The following SLC10A7 variants were observed in gnomAD, a reference collection of about 807,000 sequenced individuals.
SLC10A7 encodes the protein solute carrier family 10 member 7.
Under a neutral mutation model 43.2 loss-of-function variants are expected in SLC10A7, and 29 were observed. That is an observed-to-expected ratio of 0.67 (90% confidence interval 0.50 to 0.92). The LOEUF (loss-of-function observed/expected upper bound fraction) is 0.92, where lower values mean the gene tolerates loss of function less well. Ranked by LOEUF, SLC10A7 falls within the 40% of genes least tolerant of loss-of-function variation. The probability of loss-of-function intolerance (pLI) is 0.00; values close to 1 mark genes in which losing one functional copy is unlikely to be tolerated. For missense variants in SLC10A7, 295 were observed against 403.2 expected (o/e 0.73, Z 2.30); for synonymous variants, 152 against 144.8 (o/e 1.05, Z -0.35).
At chr4:146,342,556 A>AT (rs1311727650) in intron 5 of SLC10A7, among the ~76,000 whole-genome samples, 1 of 151,608 alleles carries the variant, frequency 6.6e-6, no homozygotes. Context: ...ATACTAGTGA[A>AT]TTTTTTTACC....
At chr4:146,472,500 A>G (rs945124223) in intron 4 of SLC10A7, among the ~76,000 whole-genome samples, 8 of 139,434 alleles carry the variant, frequency 5.7e-5, no homozygotes, top group Non-Finnish European at 1.1e-4. Flanking sequence ...ATATTACTCC[A>G]CTGTCAGTGC....
chr4:146,426,625 C>T (rs911529839), intron 5 of SLC10A7, among the ~76,000 whole-genome samples: 2 of 152,322 alleles, frequency 1.3e-5, no homozygotes, highest in South Asian at 2.1e-4. Context: ...CCTGCAATCC[C>T]AGCACTTTGG....
At position 146,319,508 on chromosome 4, in the gene SLC10A7, T is replaced by G. The variant is rs530438317; in HGVS notation, c.471+6453A>C. 1.7e-3 allele frequency among the ~76,000 whole-genome samples: 262 copies of G among 152,212 alleles called. 1 individual carries two copies. Among genetic ancestry groups the G allele is most frequent in the African/African-American group, 5.6e-3 (233 of 41,548 alleles). On this transcript the variant is annotated intron_variant, in intron 6 of 11. Coordinates refer to ENST00000335472, the MANE Select transcript of SLC10A7 (RefSeq NM_001029998.6). ...CTTATCACCCATCTCACACACTATATTTCTACTTATCTGTTGGTTCTTTCC... is the reference window on the plus strand; with the variant it reads ...CTTATCACCCATCTCACACACTATAGTTCTACTTATCTGTTGGTTCTTTCC...
intron 5 of SLC10A7, among the ~76,000 whole-genome samples, chr4:146,326,307 G>C (rs1010293862): frequency 1.2e-4 from 19 of 152,322 alleles, no homozygotes; most frequent in African/African-American, 4.3e-4. Context: ...TGGCTGGCAA[G>C]CTTCCTCACT....
intron 4 of SLC10A7, among the ~76,000 whole-genome samples, chr4:146,478,885 C>T (rs1019667670): frequency 2.0e-5 from 3 of 152,058 alleles, no homozygotes; most frequent in African/African-American, 7.2e-5. Context: ...TTCATAGTCA[C>T]AATATCACCA....
At chr4:146,377,251 T>A (rs1560849732) in intron 5 of SLC10A7, among the ~76,000 whole-genome samples, 1 of 152,182 alleles carries the variant, frequency 6.6e-6, no homozygotes, top group Non-Finnish European at 1.5e-5. Flanking sequence ...CTCAATAAAA[T>A]CTCTGCATCC....
At chr4:146,466,745 T>C (rs189677714) in intron 4 of SLC10A7, among the ~76,000 whole-genome samples, 4 of 152,272 alleles carry the variant, frequency 2.6e-5, no homozygotes, top group Admixed American at 2.6e-4. Context: ...CTTTATTTTA[T>C]AGATACAAAA....
At chr4:146,267,139 T>C (rs886984544) in intron 10 of SLC10A7, among the ~76,000 whole-genome samples, 4 of 152,170 alleles carry the variant, frequency 2.6e-5, no homozygotes, top group African/African-American at 7.2e-5. Context: ...CACTGTCGTA[T>C]GAAAAAAGAT....
intron 1 of SLC10A7, among the ~76,000 whole-genome samples, chr4:146,521,241 G>A (rs1040364306): frequency 2.6e-5 from 4 of 151,508 alleles, no homozygotes; most frequent in African/African-American, 7.3e-5. Flanking sequence ...GGGAGGACTC[G>A]AAAGTAGACT....
chr4:146,445,336 T>A (rs1560914005), intron 4 of SLC10A7, among the ~76,000 whole-genome samples: 1 of 152,150 alleles, frequency 6.6e-6, no homozygotes, highest in Non-Finnish European at 1.5e-5. Flanking sequence ...GCTCCATGCC[T>A]TACAGGAGCG....
intron 5 of SLC10A7, among the ~76,000 whole-genome samples, chr4:146,392,181 A>G (rs535482160): frequency 2.0e-5 from 3 of 152,294 alleles, no homozygotes; most frequent in East Asian, 3.9e-4. Context: ...TTGTATCTCT[A>G]TAATTTCTGA....
intron 11 of SLC10A7, 71 bp from the exon 12 acceptor site, chr4:146,256,591 A>G (rs1045771810): frequency 1.3e-6 from 2 of 1,501,098 alleles, no homozygotes; most frequent in Admixed American, 3.3e-5. Flanking sequence ...AATTAACACC[A>G]GATAATTTAT....
At position 146,325,979 on chromosome 4, in the gene SLC10A7, G is replaced by A. The variant is rs764392225; in HGVS notation, c.453C>T (p.Pro151=). The stretch of plus-strand genomic sequence containing the variant: ...TACTCACAAAAAGCAGCAGGAGCAG[G>A]GGTGTTATAACGATGCCCTGAAAGA... ...FGSFLGIVIT[P]LLLLLFLGSS... Residue 151 remains proline (P), a synonymous_variant, in exon 6 of 12, where the codon CCC becomes CCT. Transcript: ENST00000335472. 3 of 1,612,244 alleles carry A rather than the reference G, an allele frequency of 1.9e-6. No individual in the cohort carries two copies. The highest frequency in any genetic ancestry group is 3.3e-5 in the Admixed American group (2 of 59,846).
At chr4:146,292,754 T>C (rs149274494) in intron 9 of SLC10A7, among the ~76,000 whole-genome samples, 175 bp downstream of exon 9, 32 of 152,260 alleles carry the variant, frequency 2.1e-4, no homozygotes, top group African/African-American at 7.0e-4. Context: ...GAAAGACCCT[T>C]TGTAATGTCT....
At chr4:146,301,573 G>C (rs1560777950) in intron 7 of SLC10A7, among the ~76,000 whole-genome samples, 1 of 152,218 alleles carries the variant, frequency 6.6e-6, no homozygotes, top group East Asian at 1.9e-4. Flanking sequence ...ACAGCAGAGA[G>C]ACAGGTTTAG....
At position 146,483,910 on chromosome 4, in the gene SLC10A7, C is replaced by T. The variant is rs187865708; in HGVS notation, c.396+19939G>A. Among the ~76,000 whole-genome samples the T allele has an allele frequency of 2.3e-4, 35 of 152,188 alleles. No individual in the cohort carries two copies. The East Asian group carries it at 6.8e-3, about 29-fold the overall frequency. On this transcript the variant is annotated intron_variant, in intron 4 of 11. Coordinates refer to ENST00000335472, the MANE Select transcript of SLC10A7 (RefSeq NM_001029998.6). ...GGTTTTTATTAAATGATAAAGGGGT[C>T]AATTCATCAAGAGGACATAACCACA...
intron 5 of SLC10A7, chr4:146,442,126 A>T: frequency 2.1e-6 from 2 of 971,436 alleles, no homozygotes. Context: ...AATCTTTCAT[A>T]ACACAAATCA....
chr4:146,306,996 A>T lies in SLC10A7; in HGVS notation c.472-987T>A, dbSNP rs148386474. On this transcript the variant is annotated intron_variant, in intron 6 of 11. Transcript: ENST00000335472. ...TGGAAAACAATTTTTGTGAAAGGACATGGAGGTAATGATGATTGAGGGTAC... is the reference window on the plus strand; with the variant it reads ...TGGAAAACAATTTTTGTGAAAGGACTTGGAGGTAATGATGATTGAGGGTAC... 3.5e-3 allele frequency among the ~76,000 whole-genome samples: 537 copies of T among 152,300 alleles called. 4 individuals carry two copies. Among genetic ancestry groups the T allele is most frequent in the African/African-American group, 0.012 (513 of 41,580 alleles).
At chr4:146,487,289 T>C (rs1336628022) in intron 4 of SLC10A7, among the ~76,000 whole-genome samples, 1 of 152,208 alleles carries the variant, frequency 6.6e-6, no homozygotes, top group African/African-American at 2.4e-5. Flanking sequence ...TTACCTGACT[T>C]GCACATTTAC....
Sources: allele counts gnomAD v4.1 joint callset (sites outside exome capture counted in the v4.1 genomes callset), GRCh38; gene constraint gnomAD v4.1.1; transcripts MANE v1.5; gene names NCBI Gene and HGNC (gene_info 2026-07-23, HGNC 2026-07-21).